PAPPA: variants seen among roughly 807,000 people sequenced by gnomAD.
PAPPA encodes pappalysin-1.
In PAPPA, 60 loss-of-function variants were observed where a neutral mutation model predicts 164.0. The ratio of observed to expected loss-of-function variants is 0.37; its 90% CI spans 0.30 to 0.45. The LOEUF (loss-of-function observed/expected upper bound fraction) is 0.45, where lower values mean the gene tolerates loss of function less well. Among genes scored for constraint, PAPPA ranks in the 20% least tolerant of loss-of-function variants. PAPPA has a pLI of 1.00. For missense variants in PAPPA, 1,782 were observed against 2,087.3 expected, an observed-to-expected ratio of 0.85 and a Z score of 2.85; for synonymous variants, 875 against 814.1, an observed-to-expected ratio of 1.07 and a Z score of -1.27.
rs1845131301 is a variant in PAPPA at position 116,271,217 on chromosome 9, T to C, written c.2862-108T>C. 2 of 706,442 alleles carry C rather than the reference T, an allele frequency of 2.8e-6. No homozygotes were observed. Among genetic ancestry groups the C allele is most frequent in the Non-Finnish European group, 5.1e-6 (2 of 392,076 alleles). The allele number at this position is 706,442 out of a possible 1,614,324, so 43.8% of individuals were successfully genotyped here. On this transcript the variant is annotated intron_variant, in intron 8 of 21. Transcript: ENST00000328252. This position sits in a 1 kb window ranked among gnomAD's most constrained non-coding sequence, Gnocchi z 4.2. Reference sequence around the variant, plus strand: ...CAGAGACTCAGACAGAGAAAGGGATTTGTGCAAGGTCTCACTGAAGGTTCA... The same window carrying C: ...CAGAGACTCAGACAGAGAAAGGGATCTGTGCAAGGTCTCACTGAAGGTTCA...
intron 9 of PAPPA, among the ~76,000 whole-genome samples, chr9:116,285,023 A>AT (rs1279556810): frequency 6.6e-6 from 1 of 152,086 alleles, no homozygotes; most frequent in African/African-American, 2.4e-5. Flanking sequence ...TTGCTCTCCA[A>AT]TTGAGAGTGT....
chr9:116,202,474 G>T (rs925269562), intron 2 of PAPPA, among the ~76,000 whole-genome samples: 3 of 152,150 alleles, frequency 2.0e-5, no homozygotes, highest in Non-Finnish European at 2.9e-5. Context: ...AAGGGGTAAA[G>T]TCTGGGCGCC....
At position 116,396,689 on chromosome 9, in the gene PAPPA, G is replaced by T; in HGVS notation, c.*73G>T. On this transcript the variant is annotated 3_prime_UTR_variant, in exon 22 of 22. Transcript: ENST00000328252. ...CCCTTTGGTATTGATTTCACAGTCAGCTGCTCAACGGAATGGCCTCTCCAC... is the reference window on the plus strand; with the variant it reads ...CCCTTTGGTATTGATTTCACAGTCATCTGCTCAACGGAATGGCCTCTCCAC... The T allele has an allele frequency of 1.4e-6, 1 of 737,896 alleles. No individual in the cohort carries two copies. Among genetic ancestry groups the T allele is most frequent in the Non-Finnish European group, 2.5e-6 (1 of 395,918 alleles). The allele number at this position is 737,896 out of a possible 1,614,324, so 45.7% of individuals were successfully genotyped here. A position where few individuals can be genotyped will look rare whatever the true frequency, so the allele number is the denominator to read the frequency against.
chr9:116,257,673 G>A (rs1344283316), intron 7 of PAPPA, among the ~76,000 whole-genome samples: 1 of 152,022 alleles, frequency 6.6e-6, no homozygotes, highest in Admixed American at 6.5e-5. Flanking sequence ...CTGCACTCCA[G>A]CCTGGGCGAC....
At chr9:116,160,552 A>G (rs1353282271) in intron 1 of PAPPA, among the ~76,000 whole-genome samples, 4 of 152,216 alleles carry the variant, frequency 2.6e-5, no homozygotes, top group African/African-American at 7.2e-5. Context: ...CTCTGAAACC[A>G]GCACTGGCTG....
chr9:116,189,381 G>T (rs893572002), intron 2 of PAPPA, among the ~76,000 whole-genome samples: 7 of 152,152 alleles, frequency 4.6e-5, no homozygotes, highest in Non-Finnish European at 1.0e-4. Context: ...ATAACATCAT[G>T]TCTACCTTAA....
In PAPPA at chr9:116,266,812, G is replaced by C. The variant is rs1031477913; in HGVS notation, c.2861+827G>C. Among the ~76,000 whole-genome samples the C allele has an allele frequency of 8.5e-5, 13 of 152,152 alleles. 1 individual carries two copies. Among genetic ancestry groups the C allele is most frequent in the Admixed American group, 5.2e-4 (8 of 15,284 alleles). On this transcript the variant is annotated intron_variant, in intron 8 of 21. Transcript: ENST00000328252. ...GAATTTTGTCTCTAGAGGTGGAAAA[G>C]AGACCAATAATTATTCAAAATTAAA... is the stretch of plus-strand genomic sequence containing the variant.
chr9:116,337,492 A>G (rs1011556023), intron 13 of PAPPA, among the ~76,000 whole-genome samples: 7 of 152,240 alleles, frequency 4.6e-5, no homozygotes, highest in Non-Finnish European at 1.0e-4. Context: ...CAAAACACCA[A>G]AATAAATAGC....
At chr9:116,269,885 A>G (rs1434637414) in intron 8 of PAPPA, among the ~76,000 whole-genome samples, 2 of 152,228 alleles carry the variant, frequency 1.3e-5, no homozygotes, top group African/African-American at 2.4e-5. Flanking sequence ...TAAAAATACA[A>G]ACTTCTTCTT....
At chr9:116,340,882 T>G (rs1846127447) in intron 13 of PAPPA, among the ~76,000 whole-genome samples, 2 of 152,178 alleles carry the variant, frequency 1.3e-5, no homozygotes, top group Admixed American at 6.5e-5. Flanking sequence ...ATCAGGTGAT[T>G]CATGGGACCA....
At chr9:116,375,019 T>C (rs1472748431) in intron 19 of PAPPA, among the ~76,000 whole-genome samples, 1 of 152,264 alleles carries the variant, frequency 6.6e-6, no homozygotes, top group African/African-American at 2.4e-5. Context: ...GAAGTGTCTA[T>C]AACTCAGGAT....
chr9:116,312,858 C>T (rs959637254), intron 10 of PAPPA, among the ~76,000 whole-genome samples: 2 of 151,952 alleles, frequency 1.3e-5, no homozygotes, highest in Middle Eastern at 3.4e-3. Context: ...CCAGGGCAGG[C>T]GGATCACAAG....
chr9:116,242,294 T>C (rs1844745733), intron 7 of PAPPA, among the ~76,000 whole-genome samples: 2 of 152,072 alleles, frequency 1.3e-5, no homozygotes, highest in African/African-American at 4.8e-5. Context: ...CAGCTGATCA[T>C]TGAAGAAGTT....
chr9:116,337,919 G>A (rs1846082250), intron 13 of PAPPA, among the ~76,000 whole-genome samples: 2 of 152,142 alleles, frequency 1.3e-5, no homozygotes, highest in Non-Finnish European at 2.9e-5. Flanking sequence ...TCAAAGGAGA[G>A]GTCCAGTTGT....
At chr9:116,335,673 G>A (rs1846052308) in intron 13 of PAPPA, among the ~76,000 whole-genome samples, 1 of 152,192 alleles carries the variant, frequency 6.6e-6, no homozygotes, top group South Asian at 2.1e-4. Context: ...CTAGTTTGGA[G>A]CTACAAGCGA....
At chr9:116,245,001 C>T (rs773938928) in intron 7 of PAPPA, among the ~76,000 whole-genome samples, 2 of 152,132 alleles carry the variant, frequency 1.3e-5, no homozygotes, top group African/African-American at 2.4e-5. Context: ...GGAATCTTGT[C>T]GTTTGAAGCA....
chr9:116,204,334 T>G (rs1205145032), intron 2 of PAPPA, among the ~76,000 whole-genome samples: 1 of 152,192 alleles, frequency 6.6e-6, no homozygotes, highest in Non-Finnish European at 1.5e-5. Context: ...AACTTGCCCA[T>G]AGATATAGGT....
intron 21 of PAPPA, among the ~76,000 whole-genome samples, chr9:116,392,282 C>A (rs940575338): frequency 1.6e-4 from 25 of 152,166 alleles, no homozygotes; most frequent in African/African-American, 5.8e-4. Context: ...TCTTTTTACT[C>A]TCACTTGCTG....
chr9:116,356,685 T>C (rs2118608656), intron 17 of PAPPA, among the ~76,000 whole-genome samples: 1 of 152,358 alleles, frequency 6.6e-6, no homozygotes, highest in South Asian at 2.1e-4. Context: ...GTGTTATATC[T>C]GAGGACTCTG....
Sources: allele counts gnomAD v4.1 joint callset (sites outside exome capture counted in the v4.1 genomes callset), GRCh38; gene constraint gnomAD v4.1.1; non-coding constraint Gnocchi (gnomAD v3.1); transcripts MANE v1.5; gene names NCBI Gene and HGNC (gene_info 2026-07-23, HGNC 2026-07-21).